MPHOSPH9: variants seen among roughly 807,000 people sequenced by gnomAD.
The protein encoded by MPHOSPH9 is M-phase phosphoprotein 9.
A neutral mutation model predicts 145.5 loss-of-function variants in MPHOSPH9; 88 were observed. The ratio of observed to expected loss-of-function variants is 0.60; its 90% confidence interval spans 0.51 to 0.72. The LOEUF (loss-of-function observed/expected upper bound fraction) is 0.72, where lower values mean the gene tolerates loss of function less well. MPHOSPH9 is among the 30% of genes least tolerant of loss of function. The pLI is 0.00. For synonymous variants in MPHOSPH9, 435 were observed against 486.2 expected (o/e 0.89, Z 1.39); for missense variants, 1,238 against 1,386.6 (o/e 0.89, Z 1.70).
chr12:123,237,021 GT>G (rs1435119353), upstream of MPHOSPH9, among the ~76,000 whole-genome samples: 2 of 152,130 alleles, frequency 1.3e-5, no homozygotes, highest in African/African-American at 4.8e-5. Context: ...GAAGGCGGAG[GT>G]TGCAGTGAGC....
chr12:123,220,847 A>C (rs1056467131), intron 5 of MPHOSPH9, among the ~76,000 whole-genome samples: 13 of 152,204 alleles, frequency 8.5e-5, no homozygotes, highest in Admixed American at 7.2e-4. Flanking sequence ...CAAGGTCAGG[A>C]GATCGAGACC....
At chr12:123,166,877 GTATT>G in intron 16 of MPHOSPH9, 88 bp from the exon 17 acceptor site, 1 of 1,341,170 alleles carries the variant, frequency 7.5e-7, no homozygotes, top group Middle Eastern at 1.9e-4. Flanking sequence ...CTCTCAAACA[GTATT>G]TACACATTTG....
chr12:123,160,692 T>G, intron 23 of MPHOSPH9, 89 bp downstream of exon 23: 1 of 1,228,664 alleles, frequency 8.1e-7, no homozygotes, highest in Non-Finnish European at 1.2e-6. Flanking sequence ...TAATTTTCAC[T>G]GTGCCATGAT....
At chr12:123,168,779 G>C (rs2044439242) in intron 16 of MPHOSPH9, among the ~76,000 whole-genome samples, 1 of 152,026 alleles carries the variant, frequency 6.6e-6, no homozygotes, top group Admixed American at 6.6e-5. Flanking sequence ...AGAAACACCA[G>C]AAACCATGAA....
At chr12:123,240,044 A>G (rs2047907075) in intron 1 of MPHOSPH9, among the ~76,000 whole-genome samples, 1 of 152,004 alleles carries the variant, frequency 6.6e-6, no homozygotes, top group African/African-American at 2.4e-5. Context: ...ACCAGCAGCA[A>G]CAGCCTCATC....
rs1260237503 is a variant in MPHOSPH9, at chr12:123,202,743, T to C, written c.1662A>G (p.Glu554=). Residue 554 remains glutamate, a synonymous_variant, in exon 10 of 24, where the codon GAA becomes GAG. Coordinates refer to ENST00000606320, the MANE Select transcript of MPHOSPH9 (RefSeq NM_022782.4). ...SNDISVNTVD[E]ENTVMVASAS... ...CCGAAGCAACCATGACAGTGTTTTC[T>C]TCATCTACAGTGTTGACCGAGATAT... is the stretch of plus-strand genomic sequence containing the variant. The C allele has an allele frequency of 6.2e-7, 1 of 1,614,224 alleles. No homozygotes were observed. Among genetic ancestry groups the C allele is most frequent in the Admixed American group, 1.7e-5 (1 of 60,024 alleles).
At chr12:123,182,262 T>TTTTTTTTTTTTTTTC (rs1565918874) in intron 13 of MPHOSPH9, among the ~76,000 whole-genome samples, 1 of 110,366 alleles carries the variant, frequency 9.1e-6, no homozygotes, top group Non-Finnish European at 1.8e-5. Flanking sequence ...TTTTTTTTTG[T>TTTTTTTTTTTTTTTC]TTTTTTTTTT....
At position 123,230,452 on chromosome 12, in the gene MPHOSPH9, C is replaced by T. The variant is rs981457932; in HGVS notation, c.-88G>A. On this transcript the variant is annotated 5_prime_UTR_variant, in exon 2 of 24. Coordinates refer to ENST00000606320, the MANE Select transcript of MPHOSPH9 (RefSeq NM_022782.4). The stretch of plus-strand genomic sequence containing the variant: ...AATGAATCCGTGTCATCTTCAGAGG[C>T]TTCATCATCTACTGGCATTTTCAGT... 7 of 651,578 alleles carry T rather than the reference C, an allele frequency of 1.1e-5. No homozygotes were observed. The highest frequency in any genetic ancestry group is 3.8e-5 in the African/African-American group (2 of 52,904). 40.4% of individuals were successfully genotyped at this position (651,578 alleles called of 1,614,324 possible).
At chr12:123,215,193 G>C (rs2046906199) in intron 6 of MPHOSPH9, among the ~76,000 whole-genome samples, 1 of 152,042 alleles carries the variant, frequency 6.6e-6, no homozygotes, top group Non-Finnish European at 1.5e-5. Flanking sequence ...AGTAAGCCGA[G>C]ATCGTGCCAC....
intron 5 of MPHOSPH9, among the ~76,000 whole-genome samples, chr12:123,219,306 T>C (rs1347047356): frequency 2.6e-5 from 4 of 151,646 alleles, no homozygotes; most frequent in African/African-American, 7.3e-5. Flanking sequence ...ACAAAAAGAC[T>C]AACAGTGACA....
chr12:123,224,838 C>G (rs2047372295), intron 3 of MPHOSPH9, among the ~76,000 whole-genome samples: 1 of 152,172 alleles, frequency 6.6e-6, no homozygotes, highest in African/African-American at 2.4e-5. Flanking sequence ...AAGCATGTCA[C>G]CAGTGGAGGT....
intron 8 of MPHOSPH9, among the ~76,000 whole-genome samples, chr12:123,204,910 C>T (rs763325232): frequency 2.0e-5 from 3 of 152,098 alleles, no homozygotes; most frequent in Non-Finnish European, 4.4e-5. Flanking sequence ...ACCCTAATTT[C>T]GAAAAATTGA....
chr12:123,212,315 A>C (rs1052125073), intron 7 of MPHOSPH9, among the ~76,000 whole-genome samples: 1 of 152,168 alleles, frequency 6.6e-6, no homozygotes, highest in East Asian at 1.9e-4. Flanking sequence ...GAACATTTCA[A>C]GTATGGAAAA....
At chr12:123,201,273 CG>C (rs1427813306) in intron 11 of MPHOSPH9, among the ~76,000 whole-genome samples, 1 of 152,146 alleles carries the variant, frequency 6.6e-6, no homozygotes, top group Non-Finnish European at 1.5e-5. Flanking sequence ...GTTAACCAGA[CG>C]GAAGATTTTA....
Position 123,207,957 on chromosome 12 carries a change from G to A in MPHOSPH9, c.1194+2099C>T, listed in dbSNP as rs141004536. Among the ~76,000 whole-genome samples, 383 of 151,858 alleles carry A rather than the reference G, an allele frequency of 2.5e-3. 2 individuals are homozygous for A. The highest frequency in any genetic ancestry group is 8.7e-3 in the African/African-American group (361 of 41,430). On this transcript the variant is annotated intron_variant, in intron 8 of 23. Transcript: ENST00000606320. ...CTTTGCTCTTAAATTTAAAAAAAAT[G>A]GGCCAGCGCAGTGGCTCACGCCTGT...
At chr12:123,212,766 CTT>C (rs769159602) in intron 7 of MPHOSPH9, among the ~76,000 whole-genome samples, 993 of 93,896 alleles carry the variant, frequency 0.011, 17 homozygotes, top group African/African-American at 0.036. Flanking sequence ...CAATGGTCGA[CTT>C]TTTTTTTTTT....
intron 11 of MPHOSPH9, among the ~76,000 whole-genome samples, chr12:123,199,921 G>A (rs2046144663): frequency 1.3e-5 from 2 of 152,076 alleles, no homozygotes; most frequent in Admixed American, 1.3e-4. Context: ...AACATAAGCT[G>A]GGCACTCCTA....
intron 1 of MPHOSPH9, among the ~76,000 whole-genome samples, chr12:123,243,529 CAAAAAAA>C (rs55817401): frequency 1.0e-4 from 12 of 117,792 alleles, no homozygotes; most frequent in African/African-American, 3.5e-5. Context: ...GACTCCGTCT[CAAAAAAA>C]AAAAAAAAAA....
intron 13 of MPHOSPH9, among the ~76,000 whole-genome samples, chr12:123,183,093 C>G (rs929392313): frequency 9.2e-5 from 14 of 151,876 alleles, no homozygotes; most frequent in African/African-American, 3.4e-4. Context: ...TATAAGAACA[C>G]ATATGTGAGA....
Sources: allele counts gnomAD v4.1 joint callset (sites outside exome capture counted in the v4.1 genomes callset), GRCh38; gene constraint gnomAD v4.1.1; transcripts MANE v1.5; gene names NCBI Gene and HGNC (gene_info 2026-07-23, HGNC 2026-07-21).